NEK1: variants seen among roughly 807,000 people sequenced by gnomAD.
The protein encoded by NEK1 is serine/threonine-protein kinase Nek1.
A neutral mutation model predicts 182.1 loss-of-function variants in NEK1; 137 were observed. That is an observed-to-expected ratio of 0.75 (90% CI 0.65 to 0.87). The LOEUF (loss-of-function observed/expected upper bound fraction) is 0.87. Ranked by LOEUF, NEK1 falls within the 40% of genes least tolerant of loss-of-function variation. The pLI, the probability that NEK1 is intolerant of heterozygous loss-of-function variation, is 0.00. For synonymous variants in NEK1, 513 were observed against 492.2 expected, an observed-to-expected ratio of 1.04 and a Z score of -0.56; for missense variants, 1,391 against 1,494.4, an observed-to-expected ratio of 0.93 and a Z score of 1.14.
At chr4:169,584,676 T>C (rs1216393125) in intron 10 of NEK1, among the ~76,000 whole-genome samples, 2 of 152,224 alleles carry the variant, frequency 1.3e-5, no homozygotes, top group Non-Finnish European at 2.9e-5. Flanking sequence ...ATTTAAGACA[T>C]TAAATATTTT....
intron 27 of NEK1, among the ~76,000 whole-genome samples, chr4:169,447,776 G>A (rs977598937): frequency 3.9e-5 from 6 of 152,146 alleles, no homozygotes; most frequent in African/African-American, 1.2e-4. Context: ...GGCTGAGGCA[G>A]GAGAATCACT....
chr4:169,540,821 G>T (rs1432181063), intron 18 of NEK1, among the ~76,000 whole-genome samples: 2 of 150,658 alleles, frequency 1.3e-5, no homozygotes, highest in Non-Finnish European at 3.0e-5. Context: ...AGAGATAACA[G>T]AAGTATAGTG....
intron 12 of NEK1, among the ~76,000 whole-genome samples, chr4:169,570,649 G>T (rs1262658359): frequency 2.0e-5 from 3 of 152,162 alleles, no homozygotes; most frequent in Non-Finnish European, 4.4e-5. Context: ...GAGCCCCTCT[G>T]CCCGGCCACC....
At chr4:169,489,920 G>A (rs1749753491) in intron 23 of NEK1, among the ~76,000 whole-genome samples, 1 of 152,094 alleles carries the variant, frequency 6.6e-6, no homozygotes, top group Non-Finnish European at 1.5e-5. Flanking sequence ...GAGTGAACTT[G>A]TACTCAAGTC....
chr4:169,560,565 A>G (rs1029603807), intron 16 of NEK1, among the ~76,000 whole-genome samples: 3 of 152,180 alleles, frequency 2.0e-5, no homozygotes, highest in Non-Finnish European at 4.4e-5. Flanking sequence ...GGTACCACTT[A>G]TACTCAAGGG....
chr4:169,480,360 A>T (rs1464818812), intron 23 of NEK1, among the ~76,000 whole-genome samples: 3 of 152,128 alleles, frequency 2.0e-5, no homozygotes, highest in African/African-American at 7.2e-5. Context: ...CACTGCAATA[A>T]CGGTAATATT....
intron 23 of NEK1, among the ~76,000 whole-genome samples, chr4:169,498,471 C>G (rs977792898): frequency 6.6e-6 from 1 of 152,114 alleles, no homozygotes; most frequent in African/African-American, 2.4e-5. Context: ...TTATTTTGCT[C>G]ATTAGTTGAT....
At chr4:169,539,976 C>T (rs2149822847) in intron 18 of NEK1, among the ~76,000 whole-genome samples, 1 of 152,230 alleles carries the variant, frequency 6.6e-6, no homozygotes, top group East Asian at 1.9e-4. Context: ...AGAACCTGGT[C>T]ATCTGTATAA....
chr4:169,438,392 T>C (rs1738821136), intron 27 of NEK1, 133 bp from the exon 28 acceptor site: 1 of 619,858 alleles, frequency 1.6e-6, no homozygotes, highest in African/African-American at 1.8e-5. Flanking sequence ...TGTTACATAT[T>C]AGAAGTTAAT....
At chr4:169,563,341 A>G (rs895866973) in intron 12 of NEK1, among the ~76,000 whole-genome samples, 6 of 151,898 alleles carry the variant, frequency 4.0e-5, no homozygotes, top group African/African-American at 1.5e-4. Flanking sequence ...AGCCTGACAG[A>G]GCGAGATCCT....
intron 31 of NEK1, among the ~76,000 whole-genome samples, chr4:169,410,752 C>T (rs1253967425): frequency 6.6e-6 from 1 of 152,166 alleles, no homozygotes; most frequent in African/African-American, 2.4e-5. Flanking sequence ...GTGAATTATA[C>T]ATTCATCATT....
chr4:169,588,577 C>T, intron 8 of NEK1, 72 bp downstream of exon 8: 2 of 823,284 alleles, frequency 2.4e-6, no homozygotes, highest in Non-Finnish European at 2.0e-6. Flanking sequence ...AATAGTATTC[C>T]AAAGGTTAAT....
intron 23 of NEK1, among the ~76,000 whole-genome samples, chr4:169,500,342 A>G (rs879810438): frequency 6.6e-6 from 1 of 151,662 alleles, no homozygotes; most frequent in Non-Finnish European, 1.5e-5. Flanking sequence ...GACCTCTTGC[A>G]CTTCTCGGGT....
rs767282864 is a variant in NEK1 at position 169,602,018 on chromosome 4, T to TTC, written c.202_203dup (p.Ser69AsnfsTer11). ...CATAATTTATCTGACCTTCAAATGA[T>TTC]TCTCTATACTGGACAATATTTGGAT... On this transcript the variant is annotated frameshift_variant, in exon 4 of 36. Coordinates refer to ENST00000507142, the MANE Select transcript of NEK1 (RefSeq NM_001199397.3). LOFTEE classifies it high-confidence loss of function. 3 of 1,608,274 alleles carry TTC rather than the reference T, an allele frequency of 1.9e-6. No homozygotes were observed. Among genetic ancestry groups the TTC allele is most frequent in the Non-Finnish European group, 2.6e-6 (3 of 1,175,490 alleles).
At position 169,424,784 on chromosome 4, in the gene NEK1, A is replaced by C. The variant is rs752555915; in HGVS notation, c.2991T>G (p.Asp997Glu). ...CTACATCACATTTAGAGTGCTGAGAATCATTGGTTCCAGGCTCTGTGGTAG... is the reference window on the plus strand; with the variant it reads ...CTACATCACATTTAGAGTGCTGAGACTCATTGGTTCCAGGCTCTGTGGTAG... ...SDIHIEPGTN[D>E]SQHSKCDVDK... The change falls in exon 31 of 36, where the codon GAT becomes GAG. Residue 997 changes from aspartate (D) to glutamate (E), a missense_variant. Coordinates refer to ENST00000507142, the MANE Select transcript of NEK1 (RefSeq NM_001199397.3). 5 of 1,608,226 alleles carry C rather than the reference A, an allele frequency of 3.1e-6. No homozygotes were observed. The South Asian group carries it at 5.5e-5, about 18-fold the overall frequency.
At chr4:169,508,715 A>G (rs1207712770) in intron 20 of NEK1, 54 bp downstream of exon 20, 1 of 1,341,266 alleles carries the variant, frequency 7.5e-7, no homozygotes, top group Non-Finnish European at 1.0e-6. Flanking sequence ...AAAAGAAGGC[A>G]ATAAATTCAA....
chr4:169,536,363 A>G (rs147372322), intron 19 of NEK1, among the ~76,000 whole-genome samples: 207 of 152,094 alleles, frequency 1.4e-3, no homozygotes, highest in African/African-American at 4.1e-3. Flanking sequence ...AAAGAGAAAA[A>G]TTTTAAAGTA....
intron 35 of NEK1, among the ~76,000 whole-genome samples, chr4:169,396,499 G>C (rs757440221): frequency 1.3e-5 from 2 of 149,768 alleles, no homozygotes; most frequent in Non-Finnish European, 3.0e-5. Context: ...TCCTCTCCTT[G>C]TGGAAGAATT....
chr4:169,469,812 T>C (rs1745591385), intron 26 of NEK1, among the ~76,000 whole-genome samples: 1 of 152,204 alleles, frequency 6.6e-6, no homozygotes, highest in South Asian at 2.1e-4. Flanking sequence ...TTGTATTGGG[T>C]GCATATATAT....
Sources: gnomAD v4.1 joint callset for allele counts (sites outside exome capture counted in the v4.1 genomes callset) on GRCh38, gnomAD v4.1.1 for gene constraint, MANE v1.5 for transcripts, NCBI Gene and HGNC (gene_info 2026-07-23, HGNC 2026-07-21) for gene names.